HDHD5: variants seen among roughly 807,000 people sequenced by gnomAD.
HDHD5 encodes haloacid dehalogenase-like hydrolase domain-containing 5.
HDHD5 carries 34 observed loss-of-function variants against 35.5 expected under a neutral mutation model. That is an observed-to-expected ratio of 0.96 (90% CI 0.73 to 1.28). HDHD5 has a LOEUF of 1.28. Ranked by LOEUF, HDHD5 falls within the 50% of genes most tolerant of loss-of-function variation. HDHD5 has a pLI of 0.00. For synonymous variants in HDHD5, 248 were observed against 240.6 expected, an observed-to-expected ratio of 1.03 and a Z score of -0.29; for missense variants, 589 against 560.2, an observed-to-expected ratio of 1.05 and a Z score of -0.52.
chr22:17,138,224 T>C lies in HDHD5; in HGVS notation c.1069A>G (p.Ile357Val). The C allele has an allele frequency of 1.2e-6, 2 of 1,614,180 alleles. No homozygotes were observed. The highest frequency in any genetic ancestry group is 1.1e-5 in the South Asian group (1 of 91,082). Reference sequence around the variant, plus strand: ...ACGCCTGTACACACCAGGATGGAGATGCAGCTCTGGCTTGCTGAGGGCTGT... The same window carrying C: ...ACGCCTGTACACACCAGGATGGAGACGCAGCTCTGGCTTGCTGAGGGCTGT... ...QQQPSASQSC[I>V]SILVCTGVYN... The change falls in exon 8 of 8, where the codon ATC (isoleucine) becomes GTC (valine). Residue 357 changes from isoleucine (I) to valine (V), a missense_variant. Ile to Val is a conservative substitution (Grantham distance 29, BLOSUM62 3). Transcript: ENST00000336737.
chr22:17,148,583 G>C (rs1568945650), intron 2 of HDHD5, 23 bp from the exon 3 acceptor site: 2 of 1,531,640 alleles, frequency 1.3e-6, no homozygotes, highest in Non-Finnish European at 9.1e-7. Flanking sequence ...CCAAGACAGG[G>C]GAGGGCAGAG....
chr22:17,159,510 G>A (rs1399992434), upstream of HDHD5: 1 of 382,554 alleles, frequency 2.6e-6, no homozygotes, highest in Non-Finnish European at 5.0e-6. Flanking sequence ...GCACGGCCTG[G>A]GCGGCGGCGT....
intron 3 of HDHD5, among the ~76,000 whole-genome samples, chr22:17,146,197 G>C (rs1377740663): frequency 1.3e-5 from 2 of 151,848 alleles, no homozygotes; most frequent in Non-Finnish European, 2.9e-5. Context: ...TACTTCCCCT[G>C]CTTAGGAGCT....
chr22:17,164,013 G>A (rs902872424), upstream of HDHD5, among the ~76,000 whole-genome samples: 40 of 152,184 alleles, frequency 2.6e-4, no homozygotes, highest in Admixed American at 3.3e-4. Flanking sequence ...CTGAGGTCAG[G>A]AGTTCGAGAC....
At position 17,159,114 on chromosome 22, in the gene HDHD5, G is replaced by A. The variant is rs2061837950; in HGVS notation, c.126+12C>T. The A allele has an allele frequency of 2.4e-6, 3 of 1,238,834 alleles. No individual in the cohort carries two copies. The highest frequency in any genetic ancestry group is 1.5e-5 in the African/African-American group (1 of 64,792). The allele number at this position is 1,238,834 out of a possible 1,614,324, so 76.7% of individuals were successfully genotyped here. On this transcript the variant is annotated intron_variant, in intron 1 of 7. Transcript: ENST00000336737. ...GTGGCGAGTGGCTCGGCCAGAACCCGGACGTCCTCACCTGAGCGGGGCCCA... is the reference window on the plus strand; with the variant it reads ...GTGGCGAGTGGCTCGGCCAGAACCCAGACGTCCTCACCTGAGCGGGGCCCA...
chr22:17,158,851 G>C, intron 1 of HDHD5: 1 of 254,626 alleles, frequency 3.9e-6, no homozygotes, highest in Non-Finnish European at 7.4e-6. Flanking sequence ...CGCGGAAACT[G>C]CCGGGAAGCG....
chr22:17,161,369 G>A (rs1209054365), upstream of HDHD5, among the ~76,000 whole-genome samples: 1 of 151,828 alleles, frequency 6.6e-6, no homozygotes. Context: ...GACCAGCCTG[G>A]CCAACATGGT....
Position 17,141,233 on chromosome 22 carries a change from C to A in HDHD5, c.572G>T (p.Gly191Val). ...LPRNDFPRIE[G>V]VLLLGEPVRW... ...GACCGGCTCCCCTAGGAGGAGCACC[C>A]CTTTAAAGAACAGAGGCGCAGGTGA... is the stretch of plus-strand genomic sequence containing the variant. Residue 191 changes from glycine to valine, a missense_variant and splice_region_variant, in exon 6 of 8, where the codon GGG (glycine) becomes GTG (valine). By Grantham distance (109) the Gly-to-Val change is moderately radical. Transcript: ENST00000336737. 6.3e-7 allele frequency: 1 copy of A among 1,588,680 alleles called. No individual in the cohort carries two copies. The highest frequency in any genetic ancestry group is 1.1e-5 in the South Asian group (1 of 87,510).
At chr22:17,157,790 A>G (rs1386223249) in intron 1 of HDHD5, among the ~76,000 whole-genome samples, 4 of 152,180 alleles carry the variant, frequency 2.6e-5, no homozygotes, top group Admixed American at 2.0e-4. Context: ...TCATAAAAAT[A>G]ATACAGCTGT....
intron 7 of HDHD5, 28 bp from the exon 8 acceptor site, chr22:17,138,385 G>A: frequency 6.3e-7 from 1 of 1,584,708 alleles, no homozygotes; most frequent in South Asian, 1.1e-5. Context: ...ACCGGAAAAG[G>A]AAAAAGGAGA....
At chr22:17,162,274 C>G (rs188443217), upstream of HDHD5, among the ~76,000 whole-genome samples, 122 of 152,334 alleles carry the variant, frequency 8.0e-4, 1 homozygote, top group Middle Eastern at 3.4e-3. Context: ...TCCTGAATTC[C>G]TAACCCTCAG....
intron 1 of HDHD5, among the ~76,000 whole-genome samples, chr22:17,155,721 A>C (rs1601401465): frequency 6.6e-6 from 1 of 152,352 alleles, no homozygotes; most frequent in East Asian, 1.9e-4. Flanking sequence ...GTGAAGGTGT[A>C]CATCAATTAT....
chr22:17,159,310 CG>C, upstream of HDHD5: 1 of 1,204,700 alleles, frequency 8.3e-7, no homozygotes, highest in Non-Finnish European at 1.0e-6. Context: ...CGAGTCCGTC[CG>C]CTGCACAGCC....
In HDHD5 at chr22:17,143,094, T is replaced by TTACCTTCAA; in HGVS notation, c.566_571+3dup. Reference sequence around the variant, plus strand: ...CACAACTCATCAAAGAGGACCTCTCTTACCTTCAATGCGGGGGAAGTCATT... The same window carrying TTACCTTCAA: ...CACAACTCATCAAAGAGGACCTCTCTTACCTTCAATACCTTCAATGCGGGGGAAGTCATT... On this transcript the variant is annotated splice_donor_region_variant and intron_variant, in intron 5 of 7. Coordinates refer to ENST00000336737, the MANE Select transcript of HDHD5 (RefSeq NM_033070.3). 1 of 1,610,170 alleles carries TTACCTTCAA rather than the reference T, an allele frequency of 6.2e-7. No homozygotes were observed. The highest frequency in any genetic ancestry group is 1.1e-5 in the South Asian group (1 of 90,024).
rs1457412340 is a variant in HDHD5 at position 17,148,509 on chromosome 22, C to T, written c.382G>A (p.Glu128Lys). 5 of 1,614,150 alleles carry T rather than the reference C, an allele frequency of 3.1e-6. No individual in the cohort carries two copies. The highest frequency in any genetic ancestry group is 4.2e-6 in the Non-Finnish European group (5 of 1,180,034). ...LSHSPMKLFS[E>K]YHEKRMLVSG... is the part of the protein sequence containing the mutation. ...ACCAGCATCCGCTTCTCATGGTACT[C>T]GGAGAAGAGCTTCATGGGGCTGTGA... The change falls in exon 3 of 8, where the codon GAG becomes AAG. Residue 128 changes from glutamate (E) to lysine (K), a missense_variant. Transcript: ENST00000336737.
chr22:17,147,744 G>A (rs576012667), intron 3 of HDHD5, among the ~76,000 whole-genome samples: 33 of 143,082 alleles, frequency 2.3e-4, no homozygotes, highest in African/African-American at 8.4e-4. Flanking sequence ...TGAGCTTACC[G>A]GCCTTCGATC....
intron 1 of HDHD5, among the ~76,000 whole-genome samples, chr22:17,156,046 G>A (rs1366659389): frequency 2.0e-5 from 3 of 151,400 alleles, no homozygotes; most frequent in Non-Finnish European, 4.4e-5. Context: ...GCAAACCTAT[G>A]ACAAAAAAAA....
chr22:17,143,108 G>A lies in HDHD5; in HGVS notation c.561C>T (p.Pro187=), dbSNP rs1237444777. 3 of 1,610,076 alleles carry A rather than the reference G, an allele frequency of 1.9e-6. No individual in the cohort carries two copies. Among genetic ancestry groups the A allele is most frequent in the Admixed American group, 1.7e-5 (1 of 59,238 alleles). The change falls in exon 5 of 8, where the codon CCC becomes CCT. Residue 187 remains proline, a synonymous_variant. Transcript: ENST00000336737. ...KTTPLPRNDF[P]RIEGVLLLGE... is the part of the protein sequence containing the mutation. ...GAGGACCTCTCTTACCTTCAATGCG[G>A]GGGAAGTCATTCCTCGGGAGGGGCT...
intron 1 of HDHD5, among the ~76,000 whole-genome samples, chr22:17,151,174 T>C (rs2061720794): frequency 6.6e-6 from 1 of 152,262 alleles, no homozygotes. Flanking sequence ...TATCAAACTT[T>C]TTTATAATTT....
Sources: allele counts gnomAD v4.1 joint callset (sites outside exome capture counted in the v4.1 genomes callset), GRCh38; gene constraint gnomAD v4.1.1; transcripts MANE v1.5; gene names NCBI Gene and HGNC (gene_info 2026-07-23, HGNC 2026-07-21).